The following ZSCAN5A variants were observed in gnomAD, a reference collection of about 807,000 sequenced individuals.
ZSCAN5A encodes zinc finger and SCAN domain-containing protein 5A.
ZSCAN5A carries 12 observed loss-of-function variants against 23.7 expected under a neutral mutation model. That is an observed-to-expected ratio of 0.51 (90% confidence interval 0.32 to 0.82). The LOEUF (loss-of-function observed/expected upper bound fraction) is 0.82, where lower values mean the gene tolerates loss of function less well. ZSCAN5A is among the 40% of genes least tolerant of loss of function. The probability of loss-of-function intolerance (pLI) is 0.03; values close to 1 mark genes in which losing one functional copy is unlikely to be tolerated. For synonymous variants in ZSCAN5A, 257 were observed against 239.9 expected (o/e 1.07, Z -0.66); for missense variants, 597 against 617.9 (o/e 0.97, Z 0.36).
rs138754369 is a variant in ZSCAN5A, at chr19:56,289,461, T to C, written c.-128+23822A>G. Among the ~76,000 whole-genome samples the C allele has an allele frequency of 9.5e-3, 1,445 of 152,252 alleles. 20 individuals are homozygous for C. Among genetic ancestry groups the C allele is most frequent in the African/African-American group, 0.032 (1,318 of 41,520 alleles). ...TCGGAAGACAGACGTATTTATACTC[T>C]AGTTCGGGTAAGACGGAGAGAGACC... On this transcript the variant is annotated intron_variant, in intron 2 of 5. Transcript: ENST00000683990.
intron 2 of ZSCAN5A, among the ~76,000 whole-genome samples, chr19:56,238,693 C>G (rs1249914269): frequency 6.6e-6 from 1 of 152,006 alleles, no homozygotes; most frequent in African/African-American, 2.4e-5. Context: ...ACAAGAAAAA[C>G]TATAAAATAC....
At chr19:56,288,923 T>TTAGATTCTCATA (rs2039326566) in intron 2 of ZSCAN5A, among the ~76,000 whole-genome samples, 1 of 152,212 alleles carries the variant, frequency 6.6e-6, no homozygotes, top group Non-Finnish European at 1.5e-5. Flanking sequence ...GTCTCTGAAA[T>TTAGATTCTCATA]TAGATTCTCA....
At chr19:56,335,838 T>G (rs1355633739) in intron 2 of ZSCAN5A, among the ~76,000 whole-genome samples, 8 of 152,310 alleles carry the variant, frequency 5.3e-5, no homozygotes, top group Non-Finnish European at 1.0e-4. Flanking sequence ...TCTCTTTCAC[T>G]TATGAAGCTT....
chr19:56,362,902 C>T lies in ZSCAN5A; in HGVS notation c.-358+333G>A, dbSNP rs371423191. Among the ~76,000 whole-genome samples, 196 of 150,994 alleles carry T rather than the reference C, an allele frequency of 1.3e-3. 6 individuals carry two copies. In the South Asian group the frequency reaches 0.038, roughly 29 times the overall value. On this transcript the variant is annotated intron_variant, in intron 2 of 6. Coordinates refer to the ZSCAN5A transcript ENST00000587340. ...AAAAAAAAAAGGTAACATCAGCCAA[C>T]GCTGAAGAACATGTATACGGGAACT...
chr19:56,242,355 C>T (rs1278988233), intron 2 of ZSCAN5A, among the ~76,000 whole-genome samples: 1 of 152,178 alleles, frequency 6.6e-6, no homozygotes, highest in African/African-American at 2.4e-5. Context: ...CACAGAGGCA[C>T]CTTGCCCACT....
intron 2 of ZSCAN5A, among the ~76,000 whole-genome samples, chr19:56,247,821 A>G (rs1001743967): frequency 1.3e-5 from 2 of 151,970 alleles, no homozygotes; most frequent in Non-Finnish European, 2.9e-5. Context: ...CCTCCCGAGT[A>G]GCTGGGACTA....
chr19:56,225,265 A>G, intron 2 of ZSCAN5A, 92 bp from the exon 3 acceptor site: 1 of 1,229,384 alleles, frequency 8.1e-7, no homozygotes, highest in Non-Finnish European at 1.1e-6. Context: ...CCACTTCTTC[A>G]GCAGCATCGA....
chr19:56,297,519 T>A (rs1158126913), intron 2 of ZSCAN5A: 1 of 985,210 alleles, frequency 1.0e-6, no homozygotes, highest in African/African-American at 1.7e-5. Context: ...AACAAGTGGC[T>A]GCAAGGAGGA....
Position 56,357,011 on chromosome 19 carries a change from T to A in ZSCAN5A, c.-358+6224A>T, listed in dbSNP as rs2041704087. Among the ~76,000 whole-genome samples the A allele has an allele frequency of 1.3e-5, 2 of 148,844 alleles. 1 individual carries two copies. Among genetic ancestry groups the A allele is most frequent in the African/African-American group, 5.1e-5 (2 of 39,486 alleles). ...TCCTCATATTTAAAGGATATTTTCA[T>A]AGGATATAGCATTAAGTATTTTTTA... On this transcript the variant is annotated intron_variant, in intron 2 of 6. Coordinates refer to the ZSCAN5A transcript ENST00000587340.
intron 2 of ZSCAN5A, among the ~76,000 whole-genome samples, chr19:56,255,318 G>A (rs2036620627): frequency 6.6e-6 from 1 of 152,070 alleles, no homozygotes; most frequent in Admixed American, 6.5e-5. Flanking sequence ...GACAATAGCC[G>A]GCTGAGCGCA....
chr19:56,251,246 C>T (rs1254674067), intron 2 of ZSCAN5A, among the ~76,000 whole-genome samples: 1 of 151,778 alleles, frequency 6.6e-6, no homozygotes, highest in Non-Finnish European at 1.5e-5. Flanking sequence ...CAGTGACTGA[C>T]TGGGGGTGCC....
chr19:56,228,826 A>G (rs969120517), intron 2 of ZSCAN5A, among the ~76,000 whole-genome samples: 1 of 152,216 alleles, frequency 6.6e-6, no homozygotes, highest in Non-Finnish European at 1.5e-5. Context: ...TTTTTTAAAA[A>G]GAATATTGGA....
intron 2 of ZSCAN5A, among the ~76,000 whole-genome samples, chr19:56,332,626 C>G (rs988854202): frequency 6.6e-6 from 1 of 152,178 alleles, no homozygotes; most frequent in Admixed American, 6.5e-5. Flanking sequence ...CACTCTACGC[C>G]TTTTGAGTAA....
At chr19:56,244,369 G>C (rs757426763) in intron 2 of ZSCAN5A, 68 of 1,578,082 alleles carry the variant, frequency 4.3e-5, no homozygotes, top group Non-Finnish European at 5.6e-5. Context: ...TGAACGGTGT[G>C]CAGAGCTGCA....
At chr19:56,245,333 G>T (rs747524970) in intron 2 of ZSCAN5A, 2 of 748,726 alleles carry the variant, frequency 2.7e-6, no homozygotes, top group African/African-American at 1.7e-5. Context: ...CAGCCAGCGG[G>T]CCTCCTCTGT....
At chr19:56,260,193 T>C (rs1009772362) in intron 2 of ZSCAN5A, among the ~76,000 whole-genome samples, 3 of 151,246 alleles carry the variant, frequency 2.0e-5, no homozygotes, top group African/African-American at 7.3e-5. Flanking sequence ...GATTTTGTTT[T>C]AGTAATTAAA....
chr19:56,321,441 G>A (rs750402435), intron 2 of ZSCAN5A: 11 of 673,864 alleles, frequency 1.6e-5, no homozygotes, highest in Middle Eastern at 2.7e-4. Context: ...AATGTCCAAC[G>A]GCATTGATAA....
At chr19:56,320,615 AAATAATAAT>A (rs767420878) in intron 2 of ZSCAN5A, 22 of 631,466 alleles carry the variant, frequency 3.5e-5, no homozygotes, top group Non-Finnish European at 5.5e-5. Context: ...TCTGTCTCAA[AAATAATAAT>A]AATAATAATA....
intron 2 of ZSCAN5A, among the ~76,000 whole-genome samples, chr19:56,275,676 T>C (rs1159019661): frequency 6.6e-6 from 1 of 152,248 alleles, no homozygotes; most frequent in Non-Finnish European, 1.5e-5. Flanking sequence ...TTGAAGCACC[T>C]GTAAGATGTT....
Sources: gnomAD v4.1 joint callset for allele counts (sites outside exome capture counted in the v4.1 genomes callset) on GRCh38, gnomAD v4.1.1 for gene constraint, MANE v1.5 for transcripts, NCBI Gene and HGNC (gene_info 2026-07-23, HGNC 2026-07-21) for gene names.